IFT88: variants seen among roughly 807,000 people sequenced by gnomAD.
The protein encoded by IFT88 is intraflagellar transport protein 88 homolog.
IFT88 carries 74 observed loss-of-function variants against 119.5 expected under a neutral mutation model. The ratio of observed to expected loss-of-function variants is 0.62; its 90% CI spans 0.51 to 0.75. IFT88 has a LOEUF of 0.75. Among genes scored for constraint, IFT88 ranks in the 30% least tolerant of loss-of-function variants. The probability of loss-of-function intolerance (pLI) is 0.00; values close to 1 mark genes in which losing one functional copy is unlikely to be tolerated. For synonymous variants in IFT88, 279 were observed against 316.7 expected (o/e 0.88, Z 1.26); for missense variants, 961 against 977.7 (o/e 0.98, Z 0.23).
At position 20,582,996 on chromosome 13, in the gene IFT88, A is replaced by G; in HGVS notation, c.130A>G (p.Thr44Ala). 6.2e-7 allele frequency: 1 copy of G among 1,612,158 alleles called. No individual in the cohort carries two copies. Among genetic ancestry groups the G allele is most frequent in the South Asian group, 1.1e-5 (1 of 90,922 alleles). The change falls in exon 3 of 26, where the codon ACT becomes GCT. Residue 44 changes from threonine to alanine, a missense_variant. Transcript: ENST00000351808. ...TGCAGCTTTTCAGCAAGCTGTGAGG[A>G]CTAGTCATGGCAGAAGACCTCCAGT... ...NDAAFQQAVR[T>A]SHGRRPPITA... is the part of the protein sequence containing the mutation.
At chr13:20,650,749 A>G (rs988696554) in intron 20 of IFT88, among the ~76,000 whole-genome samples, 5 of 152,204 alleles carry the variant, frequency 3.3e-5, no homozygotes, top group Non-Finnish European at 7.4e-5. Context: ...GATATAATAA[A>G]TGAATTCAGC....
intron 24 of IFT88, among the ~76,000 whole-genome samples, chr13:20,682,107 A>T (rs2141189951): frequency 6.6e-6 from 1 of 152,386 alleles, no homozygotes; most frequent in South Asian, 2.1e-4. Flanking sequence ...TAAGAGGGAC[A>T]ATAATTTTTC....
chr13:20,673,020 G>C (rs1397946434), intron 24 of IFT88, among the ~76,000 whole-genome samples: 1 of 152,140 alleles, frequency 6.6e-6, no homozygotes, highest in Non-Finnish European at 1.5e-5. Flanking sequence ...TAGGAAGCAG[G>C]AAGTACGTGA....
intron 21 of IFT88, among the ~76,000 whole-genome samples, chr13:20,655,766 T>G (rs2052668126): frequency 6.6e-6 from 1 of 152,126 alleles, no homozygotes; most frequent in Non-Finnish European, 1.5e-5. Flanking sequence ...AATGCTGGGA[T>G]TAAAGGAGTG....
At chr13:20,623,471 T>G (rs1566238730) in intron 14 of IFT88, among the ~76,000 whole-genome samples, 1 of 152,136 alleles carries the variant, frequency 6.6e-6, no homozygotes, top group Non-Finnish European at 1.5e-5. Flanking sequence ...CATTTATTGA[T>G]GTTTTTGTTT....
intron 20 of IFT88, among the ~76,000 whole-genome samples, chr13:20,645,861 G>A (rs961004295): frequency 2.0e-5 from 3 of 152,002 alleles, no homozygotes; most frequent in Non-Finnish European, 4.4e-5. Flanking sequence ...TTTCTATTAG[G>A]CAATTCATTT....
rs115651418 is a variant in IFT88, at chr13:20,604,116, T to C, written c.1042-919T>C. ...TATTAGCCAGGCATGGTGGCACATG[T>C]CTGTAGTCCCACCTACTCGAGAAGC... On this transcript the variant is annotated intron_variant, in intron 12 of 25. Coordinates refer to ENST00000351808, the MANE Select transcript of IFT88 (RefSeq NM_006531.5). Among the ~76,000 whole-genome samples the C allele has an allele frequency of 3.1e-3, 471 of 152,040 alleles. 1 individual carries two copies. The highest frequency in any genetic ancestry group is 0.011 in the African/African-American group (455 of 41,468).
Position 20,639,392 on chromosome 13 carries a change from G to A in IFT88, c.1573+874G>A, listed in dbSNP as rs117146390. ...TCTGTCTGGTCTGGTCTGTTTAGTT[G>A]GAGACCTGTCCATAAGTCAATTGGA... On this transcript the variant is annotated intron_variant, in intron 17 of 25. Transcript: ENST00000351808. 7.9e-5 allele frequency among the ~76,000 whole-genome samples: 12 copies of A among 152,256 alleles called. No individual in the cohort carries two copies. In the East Asian group the frequency reaches 2.1e-3, roughly 27 times the overall value.
chr13:20,681,851 G>A (rs962375963), intron 24 of IFT88, among the ~76,000 whole-genome samples: 3 of 152,246 alleles, frequency 2.0e-5, no homozygotes, highest in African/African-American at 7.2e-5. Flanking sequence ...TTGAGCTGAA[G>A]TATAGGGCGT....
In IFT88 at chr13:20,615,795, A is replaced by T; in HGVS notation, c.1115A>T (p.Lys372Ile). 6.3e-7 allele frequency: 1 copy of T among 1,582,000 alleles called. No individual in the cohort carries two copies. The highest frequency in any genetic ancestry group is 8.6e-7 in the Non-Finnish European group (1 of 1,162,550). The part of the protein sequence containing the change: ...DHLRQMERER[K>I]AMAEKYIMTS... ...ACTTTTTGGTTTATTTGATATAGGA[A>T]AGCCATGGCAGAAAAATATATTATG... The change falls in exon 14 of 26, where the codon AAA becomes ATA. Residue 372 changes from lysine (K) to isoleucine (I), a missense_variant and splice_region_variant. By Grantham distance (102) the Lys-to-Ile change is moderately radical. Transcript: ENST00000351808.
intron 20 of IFT88, among the ~76,000 whole-genome samples, chr13:20,647,165 A>G (rs2050881695): frequency 6.6e-6 from 1 of 152,192 alleles, no homozygotes; most frequent in South Asian, 2.1e-4. Flanking sequence ...ACTTTTCTAT[A>G]AACTTACTTC....
chr13:20,621,043 A>G (rs2442457), intron 14 of IFT88, among the ~76,000 whole-genome samples: 25,084 of 151,912 alleles, frequency 0.17, 2,417 homozygotes, highest in African/African-American at 0.25. Flanking sequence ...TAGGCTACCT[A>G]GCTTATGGTT....
intron 15 of IFT88, 114 bp from the exon 16 acceptor site, chr13:20,630,902 C>A: frequency 1.8e-6 from 1 of 561,836 alleles, no homozygotes. Context: ...TTAATCCACC[C>A]CTTTTGTGCC....
chr13:20,622,979 T>A (rs1033304950), intron 14 of IFT88, among the ~76,000 whole-genome samples: 3 of 152,234 alleles, frequency 2.0e-5, no homozygotes, highest in Non-Finnish European at 2.9e-5. Context: ...GGTCTTTGAT[T>A]CATTTTGAGT....
intron 13 of IFT88, among the ~76,000 whole-genome samples, chr13:20,610,780 C>T (rs1431447081): frequency 1.3e-5 from 2 of 152,032 alleles, no homozygotes; most frequent in Non-Finnish European, 2.9e-5. Flanking sequence ...AAGAATTATG[C>T]ATCTGGACCA....
chr13:20,609,713 C>A (rs2044133684), intron 13 of IFT88, among the ~76,000 whole-genome samples: 1 of 152,124 alleles, frequency 6.6e-6, no homozygotes, highest in Non-Finnish European at 1.5e-5. Flanking sequence ...CACTACACTT[C>A]AGCCTGGCCA....
chr13:20,582,277 G>A (rs1359172365), intron 2 of IFT88, among the ~76,000 whole-genome samples: 3 of 152,130 alleles, frequency 2.0e-5, no homozygotes, highest in Non-Finnish European at 4.4e-5. Flanking sequence ...CTTGATTACT[G>A]TTCTTTTCCT....
At position 20,591,599 on chromosome 13, in the gene IFT88, A is replaced by G. The variant is rs568661729; in HGVS notation, c.265-19A>G. The G allele has an allele frequency of 6.3e-7, 1 of 1,590,650 alleles. No homozygotes were observed. The highest frequency in any genetic ancestry group is 1.3e-5 in the African/African-American group (1 of 74,512). ...GATAGATCTTATTTAAGAATAAATG[A>G]TTCCCATTCTCTTTAAAGGATGGAG... is the stretch of plus-strand genomic sequence containing the variant. On this transcript the variant is annotated intron_variant, in intron 5 of 25. Coordinates refer to ENST00000351808, the MANE Select transcript of IFT88 (RefSeq NM_006531.5).
At chr13:20,587,877 G>T (rs2987989) in intron 3 of IFT88, among the ~76,000 whole-genome samples, 1 of 151,830 alleles carries the variant, frequency 6.6e-6, no homozygotes, top group Non-Finnish European at 1.5e-5. Flanking sequence ...TATTAGCAGC[G>T]TGTGATTGGT....
Sources: gnomAD v4.1 joint callset for allele counts (sites outside exome capture counted in the v4.1 genomes callset) on GRCh38, gnomAD v4.1.1 for gene constraint, MANE v1.5 for transcripts, NCBI Gene and HGNC (gene_info 2026-07-23, HGNC 2026-07-21) for gene names.